Variants in MGAT4C observed in about 807,000 individuals in gnomAD.
MGAT4C encodes the protein alpha-1,3-mannosyl-glycoprotein 4-beta-N-acetylglucosaminyltransferase C.
A neutral mutation model predicts 40.1 loss-of-function variants in MGAT4C; 19 were observed. That is an observed-to-expected ratio of 0.47 (90% CI 0.33 to 0.70). The LOEUF is 0.70. Ranked by LOEUF, MGAT4C falls within the 30% of genes least tolerant of loss-of-function variation. The pLI, the probability that MGAT4C is intolerant of heterozygous loss-of-function variation, is 0.02. For synonymous variants in MGAT4C, 181 were observed against 187.1 expected, an observed-to-expected ratio of 0.97 and a Z score of 0.27; for missense variants, 491 against 563.2, an observed-to-expected ratio of 0.87 and a Z score of 1.30.
At chr12:86,137,030 G>A (rs943048469) in intron 1 of MGAT4C, among the ~76,000 whole-genome samples, 4 of 151,988 alleles carry the variant, frequency 2.6e-5, no homozygotes, top group South Asian at 4.1e-4. Flanking sequence ...TATTATATGC[G>A]AAATCCTATC....
At chr12:86,596,588 A>C (rs1323877389) in intron 2 of MGAT4C, among the ~76,000 whole-genome samples, 5 of 152,112 alleles carry the variant, frequency 3.3e-5, no homozygotes, top group Admixed American at 2.0e-4. Flanking sequence ...ATATTGCTCA[A>C]AAGGTTTTTA....
At chr12:86,375,447 A>G (rs1208540316) in intron 3 of MGAT4C, among the ~76,000 whole-genome samples, 1 of 152,062 alleles carries the variant, frequency 6.6e-6, no homozygotes, top group South Asian at 2.1e-4. Context: ...GGTTTATTGT[A>G]ATTGGTCTTA....
rs1470158773 is a variant in MGAT4C at position 85,964,716 on chromosome 12, G to T, written c.*14573C>A. ...TAAGTTTTTCTCGGCTGTTTCCTCT[G>T]ACAGTTCTGTGGTAAAGAAGAAACA... On this transcript the variant is annotated 3_prime_UTR_variant, in exon 5 of 5. Transcript: ENST00000611864. 1.3e-5 allele frequency: 2 copies of T among 152,014 alleles called. No homozygotes were observed. Among genetic ancestry groups the T allele is most frequent in the Non-Finnish European group, 2.9e-5 (2 of 67,998 alleles). 9.4% of individuals were successfully genotyped at this position (152,014 alleles called of 1,614,324 possible). A position where few individuals can be genotyped will look rare whatever the true frequency, so the allele number is the denominator to read the frequency against.
At chr12:86,719,554 G>A (rs759637749) in intron 2 of MGAT4C, among the ~76,000 whole-genome samples, 17 of 152,130 alleles carry the variant, frequency 1.1e-4, no homozygotes, top group Non-Finnish European at 2.1e-4. Flanking sequence ...TCTTGATGAT[G>A]GCTCAGTCTT....
chr12:86,098,753 CTT>C (rs1874394054), intron 1 of MGAT4C, among the ~76,000 whole-genome samples: 1 of 151,540 alleles, frequency 6.6e-6, no homozygotes, highest in South Asian at 2.1e-4. Context: ...TGCTTCTAAA[CTT>C]ATATATTGCA....
At chr12:86,684,805 CAT>C (rs941574931) in intron 2 of MGAT4C, among the ~76,000 whole-genome samples, 2 of 147,082 alleles carry the variant, frequency 1.4e-5, no homozygotes, top group Admixed American at 6.7e-5. Context: ...TTTTTTTTTT[CAT>C]ATGTTTGTTG....
At chr12:86,173,504 T>A (rs1475754757) in intron 1 of MGAT4C, among the ~76,000 whole-genome samples, 1 of 152,106 alleles carries the variant, frequency 6.6e-6, no homozygotes, top group Non-Finnish European at 1.5e-5. Flanking sequence ...ATGCAACAGA[T>A]CAGCAGGAAT....
At chr12:86,017,365 T>C (rs61931076) in intron 2 of MGAT4C, among the ~76,000 whole-genome samples, 8,638 of 152,220 alleles carry the variant, frequency 0.057, 339 homozygotes, top group Non-Finnish European at 0.083. Context: ...TAATGTTATT[T>C]TGGGGCTCTT....
intron 1 of MGAT4C, among the ~76,000 whole-genome samples, chr12:86,095,431 C>T (rs1873740030): frequency 1.3e-5 from 2 of 151,892 alleles, no homozygotes; most frequent in African/African-American, 2.4e-5. Flanking sequence ...TTGCTTTTTA[C>T]AATTATGGAC....
intron 2 of MGAT4C, among the ~76,000 whole-genome samples, chr12:86,469,048 C>T (rs1205025363): frequency 6.6e-6 from 1 of 152,130 alleles, no homozygotes; most frequent in African/African-American, 2.4e-5. Context: ...TTTCCCCTCA[C>T]ATAACCAGAG....
chr12:86,125,581 G>C (rs1422711732), intron 1 of MGAT4C, among the ~76,000 whole-genome samples: 1 of 152,022 alleles, frequency 6.6e-6, no homozygotes, highest in Non-Finnish European at 1.5e-5. Context: ...AAAACTACTA[G>C]ACATATGAAA....
intron 2 of MGAT4C, among the ~76,000 whole-genome samples, chr12:86,579,207 G>A (rs1960679617): frequency 6.6e-6 from 1 of 151,348 alleles, no homozygotes; most frequent in African/African-American, 2.4e-5. Context: ...TTTTCTGATT[G>A]TTTTGTGGTC....
intron 1 of MGAT4C, among the ~76,000 whole-genome samples, chr12:86,254,408 G>GA (rs950562377): frequency 2.6e-5 from 4 of 151,798 alleles, no homozygotes; most frequent in African/African-American, 7.3e-5. Context: ...ATCATACACA[G>GA]AAAAAAATGC....
At chr12:86,034,488 C>G (rs1891039168) in intron 2 of MGAT4C, among the ~76,000 whole-genome samples, 1 of 149,270 alleles carries the variant, frequency 6.7e-6, no homozygotes, top group Non-Finnish European at 1.5e-5. Context: ...TTATATCTCT[C>G]AGAATTGACC....
At chr12:86,415,446 T>C (rs982668710) in intron 3 of MGAT4C, among the ~76,000 whole-genome samples, 1 of 151,994 alleles carries the variant, frequency 6.6e-6, no homozygotes, top group African/African-American at 2.4e-5. Context: ...AGTGGGCATA[T>C]GAATACACAG....
At chr12:86,413,681 CG>C (rs370561476) in intron 3 of MGAT4C, among the ~76,000 whole-genome samples, 140 of 152,182 alleles carry the variant, frequency 9.2e-4, no homozygotes, top group African/African-American at 3.1e-3. Context: ...AGTAATTTTT[CG>C]GGGGGAATAA....
At chr12:86,627,379 C>A (rs551080853) in intron 2 of MGAT4C, among the ~76,000 whole-genome samples, 168 of 152,308 alleles carry the variant, frequency 1.1e-3, no homozygotes, top group African/African-American at 3.9e-3. Flanking sequence ...GTTCTTGCAG[C>A]ATGGTGTTTG....
intron 1 of MGAT4C, among the ~76,000 whole-genome samples, chr12:86,782,921 T>C (rs1265530325): frequency 6.6e-6 from 1 of 152,184 alleles, no homozygotes; most frequent in Non-Finnish European, 1.5e-5. Flanking sequence ...AATACATTTC[T>C]GTTGTTTAAT....
intron 1 of MGAT4C, among the ~76,000 whole-genome samples, chr12:86,072,407 A>G (rs1868721748): frequency 6.6e-6 from 1 of 152,114 alleles, no homozygotes; most frequent in African/African-American, 2.4e-5. Flanking sequence ...ACATGAAAGA[A>G]GAGAAGAAAA....
Sources: gnomAD v4.1 joint callset for allele counts (sites outside exome capture counted in the v4.1 genomes callset) on GRCh38, gnomAD v4.1.1 for gene constraint, MANE v1.5 for transcripts, NCBI Gene and HGNC (gene_info 2026-07-23, HGNC 2026-07-21) for gene names.